CKAP2: variants seen among roughly 807,000 people sequenced by gnomAD.
CKAP2 encodes the protein cytoskeleton-associated protein 2.
CKAP2 carries 46 observed loss-of-function variants against 58.4 expected under a neutral mutation model. The ratio of observed to expected loss-of-function variants is 0.79; its 90% CI spans 0.62 to 1.01. The LOEUF (loss-of-function observed/expected upper bound fraction) is 1.01, where lower values mean the gene tolerates loss of function less well. CKAP2 is among the 50% of genes least tolerant of loss of function. The pLI, the probability that CKAP2 is intolerant of heterozygous loss-of-function variation, is 0.00. For missense variants in CKAP2, 809 were observed against 796.4 expected, an observed-to-expected ratio of 1.02 and a Z score of -0.19; for synonymous variants, 293 against 280.9, an observed-to-expected ratio of 1.04 and a Z score of -0.43.
rs1228036089 is a variant in CKAP2, at chr13:52,465,034, A to G, written c.1306-261A>G. 2.0e-5 allele frequency among the ~76,000 whole-genome samples: 3 copies of G among 152,096 alleles called. No homozygotes were observed. The South Asian group carries it at 6.2e-4, about 32-fold the overall frequency. On this transcript the variant is annotated intron_variant, in intron 5 of 8. Coordinates refer to ENST00000258607, the MANE Select transcript of CKAP2 (RefSeq NM_018204.5). ...ATATCAAAACCTGATAAAGACGAGG[A>G]AAAAAAACTCCGCAGACTATTCTTA... is the stretch of plus-strand genomic sequence containing the variant.
chr13:52,458,473 TCCAACA>T (rs1227682002), intron 2 of CKAP2, among the ~76,000 whole-genome samples: 4 of 152,162 alleles, frequency 2.6e-5, no homozygotes, highest in Non-Finnish European at 5.9e-5. Context: ...AAATAAAGAA[TCCAACA>T]AGGTCAGGGG....
chr13:52,468,473 T>C, intron 7 of CKAP2, 126 bp downstream of exon 7: 1 of 596,282 alleles, frequency 1.7e-6, no homozygotes, highest in Non-Finnish European at 3.0e-6. Flanking sequence ...AAGGTAAATG[T>C]GTGTCATGGG....
At chr13:52,470,118 T>G (rs1032827941) in intron 7 of CKAP2, among the ~76,000 whole-genome samples, 1 of 151,878 alleles carries the variant, frequency 6.6e-6, no homozygotes, top group African/African-American at 2.4e-5. Flanking sequence ...TTTCTTTTTT[T>G]TTTTTTTGAA....
At chr13:52,463,088 C>T (rs1319579280) in intron 5 of CKAP2, among the ~76,000 whole-genome samples, 1 of 152,130 alleles carries the variant, frequency 6.6e-6, no homozygotes, top group African/African-American at 2.4e-5. Context: ...CAAGTGTGCA[C>T]CACACGCCTG....
intron 7 of CKAP2, among the ~76,000 whole-genome samples, chr13:52,470,254 C>T (rs889209889): frequency 6.6e-6 from 1 of 151,940 alleles, no homozygotes; most frequent in Non-Finnish European, 1.5e-5. Context: ...TACAGGCATG[C>T]GCCACCTTGC....
chr13:52,465,203 C>A, intron 5 of CKAP2, 92 bp from the exon 6 acceptor site: 1 of 1,083,766 alleles, frequency 9.2e-7, no homozygotes, highest in Non-Finnish European at 1.3e-6. Context: ...TTAGGGCTAT[C>A]GTTATCATTG....
At chr13:52,471,100 G>C (rs1958756016) in intron 7 of CKAP2, among the ~76,000 whole-genome samples, 1 of 152,140 alleles carries the variant, frequency 6.6e-6, no homozygotes, top group Non-Finnish European at 1.5e-5. Flanking sequence ...GGAGGTTGCA[G>C]TGAGCCAAGA....
At chr13:52,464,032 T>C (rs1958625150) in intron 5 of CKAP2, among the ~76,000 whole-genome samples, 1 of 152,200 alleles carries the variant, frequency 6.6e-6, no homozygotes, top group Non-Finnish European at 1.5e-5. Flanking sequence ...GATAATTGGG[T>C]TTTTTTACTG....
Position 52,461,937 on chromosome 13 carries a change from A to G in CKAP2, c.1100+11A>G, listed in dbSNP as rs746785764. 4.5e-6 allele frequency: 7 copies of G among 1,564,432 alleles called. No homozygotes were observed. In the East Asian group the frequency reaches 6.8e-5, roughly 15 times the overall value. On this transcript the variant is annotated intron_variant, in intron 4 of 8. Transcript: ENST00000258607. ...CTCGGAAGAGAGAAAGTAAGTAGAT[A>G]TAATTTTCTTTATTACATTAGTTTT...
Position 52,474,463 on chromosome 13 carries a change from T to C in CKAP2, c.1802+379T>C, listed in dbSNP as rs539928361. ...AAGATCATGCCACTGTCCTCCAGCCTGGATGACAGAGCGAGACCCTGTCTC... is the reference window on the plus strand; with the variant it reads ...AAGATCATGCCACTGTCCTCCAGCCCGGATGACAGAGCGAGACCCTGTCTC... On this transcript the variant is annotated intron_variant, in intron 8 of 8. Transcript: ENST00000258607. 8.5e-4 allele frequency among the ~76,000 whole-genome samples: 130 copies of C among 152,348 alleles called. 1 individual carries two copies. The highest frequency in any genetic ancestry group is 1.3e-3 in the Non-Finnish European group (88 of 68,036).
At chr13:52,455,706 G>A (rs1958466502) in intron 1 of CKAP2, 80 bp downstream of exon 1, 2 of 1,351,518 alleles carry the variant, frequency 1.5e-6, no homozygotes, top group Non-Finnish European at 1.9e-6. Context: ...GCTCGGGGCC[G>A]CGCTGGCGCG....
Position 52,461,556 on chromosome 13 carries a change from A to G in CKAP2, c.730A>G (p.Thr244Ala), listed in dbSNP as rs1280681160. Residue 244 changes from threonine to alanine, a missense_variant, in exon 4 of 9, where the codon ACT (threonine) becomes GCT (alanine). Thr to Ala is a moderately conservative substitution (Grantham distance 58, BLOSUM62 0). Coordinates refer to ENST00000258607, the MANE Select transcript of CKAP2 (RefSeq NM_018204.5). ...NMTATTKFVS[T>A]TSQNTQLVRP... Reference sequence around the variant, plus strand: ...GACTGCCACTACTAAATTTGTGAGCACTACATCTCAGAACACACAACTTGT... The same window carrying G: ...GACTGCCACTACTAAATTTGTGAGCGCTACATCTCAGAACACACAACTTGT... The G allele has an allele frequency of 6.2e-7, 1 of 1,614,186 alleles. No individual in the cohort carries two copies. Among genetic ancestry groups the G allele is most frequent in the South Asian group, 1.1e-5 (1 of 91,068 alleles).
At chr13:52,474,315 A>G (rs907140855) in intron 8 of CKAP2, among the ~76,000 whole-genome samples, 1 of 151,850 alleles carries the variant, frequency 6.6e-6, no homozygotes, top group Non-Finnish European at 1.5e-5. Flanking sequence ...GCAAAACCCC[A>G]TCTCTACAAA....
At chr13:52,458,925 A>G (rs1032084297) in intron 2 of CKAP2, among the ~76,000 whole-genome samples, 1 of 152,254 alleles carries the variant, frequency 6.6e-6, no homozygotes, top group Non-Finnish European at 1.5e-5. Flanking sequence ...TCATTAAATA[A>G]GACAACCAAC....
intron 6 of CKAP2, chr13:52,465,709 C>A: frequency 1.7e-6 from 1 of 593,282 alleles, no homozygotes; most frequent in Non-Finnish European, 3.1e-6. Context: ...TTTAATGAAA[C>A]TTTCTGCATG....
At position 52,475,334 on chromosome 13, in the gene CKAP2, C is replaced by A; in HGVS notation, c.*193C>A. ...CCTCTACATTGGAAAGCTAATCCTA[C>A]CTTGTCAGTTTCAACCAACTGAGTT... is the stretch of plus-strand genomic sequence containing the variant. On this transcript the variant is annotated 3_prime_UTR_variant, in exon 9 of 9. Transcript: ENST00000258607. 3.1e-6 allele frequency: 2 copies of A among 647,740 alleles called. No homozygotes were observed. The highest frequency in any genetic ancestry group is 2.4e-6 in the Non-Finnish European group (1 of 410,764). The allele number at this position is 647,740 out of a possible 1,614,324, so 40.1% of individuals were successfully genotyped here. A position where few individuals can be genotyped will look rare whatever the true frequency, so the allele number is the denominator to read the frequency against.
At chr13:52,465,942 T>TACACACATATATAC (rs140607775) in intron 6 of CKAP2, 7 of 206,100 alleles carry the variant, frequency 3.4e-5, no homozygotes, top group East Asian at 2.3e-4. Context: ...CACATATATA[T>TACACACATATATAC]ACACATATAT....
intron 8 of CKAP2, among the ~76,000 whole-genome samples, chr13:52,474,287 A>T (rs1958799372): frequency 6.6e-6 from 1 of 151,988 alleles, no homozygotes; most frequent in Non-Finnish European, 1.5e-5. Context: ...GGAGTTCAAG[A>T]CTATCCTGGG....
rs765100845 is a variant in CKAP2, at chr13:52,465,406, A to G, written c.1417A>G (p.Thr473Ala). The change falls in exon 6 of 9, where the codon ACA (threonine) becomes GCA (alanine). Residue 473 changes from threonine to alanine, a missense_variant. This residue lies in a region of CKAP2 where 283 missense variants were observed against 287.6 expected (regional missense o/e 0.98). Transcript: ENST00000258607. ...WICLALIEPI[T>A]SPIENIIAIY... ...ATGTCTTGCACTTATTGAACCAATC[A>G]CAAGTCCTATTGAAAATATTATTGC... 5 of 1,613,426 alleles carry G rather than the reference A, an allele frequency of 3.1e-6. No individual in the cohort carries two copies. In the East Asian group the frequency reaches 1.1e-4, roughly 36 times the overall value.
Sources: gnomAD v4.1 joint callset for allele counts (sites outside exome capture counted in the v4.1 genomes callset) on GRCh38, gnomAD v4.1.1 for gene constraint, gnomAD v4.1.1 regional missense constraint, MANE v1.5 for transcripts, NCBI Gene and HGNC (gene_info 2026-07-23, HGNC 2026-07-21) for gene names.